The following RYR2 variants were observed in gnomAD, a reference collection of about 807,000 sequenced individuals.
RYR2 encodes the protein ryanodine receptor 2.
RYR2 carries 227 observed loss-of-function variants against 601.1 expected under a neutral mutation model. That is an observed-to-expected ratio of 0.38 (90% CI 0.34 to 0.42). The LOEUF (loss-of-function observed/expected upper bound fraction) is 0.42. Among genes scored for constraint, RYR2 ranks in the 10% least tolerant of loss-of-function variants. The pLI, the probability that RYR2 is intolerant of heterozygous loss-of-function variation, is 1.00. For missense variants in RYR2, 4,646 were observed against 6,156.5 expected (o/e 0.75, Z 8.21); for synonymous variants, 2,223 against 2,175.1 (o/e 1.02, Z -0.61).
rs1678598100 is a variant in RYR2, at chr1:237,617,435, T to C, written c.5865T>C (p.Ala1955=). ...NEVMQALNMS[A]ALTARKTKEF... ...TCATGCAAGCCTTAAACATGTCAGCTGCACTCACAGCCAGGAAGACAAAGG... is the reference window on the plus strand; with the variant it reads ...TCATGCAAGCCTTAAACATGTCAGCCGCACTCACAGCCAGGAAGACAAAGG... Residue 1955 remains alanine (A), a synonymous_variant, in exon 38 of 105, where the codon GCT becomes GCC. Transcript: ENST00000366574. The C allele has an allele frequency of 6.2e-7, 1 of 1,613,864 alleles. No individual in the cohort carries two copies. Among genetic ancestry groups the C allele is most frequent in the African/African-American group, 1.3e-5 (1 of 74,938 alleles).
At chr1:237,237,246 AAGTAGTATCCTTTGTT>A (rs1188839053) in intron 1 of RYR2, among the ~76,000 whole-genome samples, 2 of 152,182 alleles carry the variant, frequency 1.3e-5, no homozygotes, top group East Asian at 1.9e-4. Flanking sequence ...AGACTAATAC[AAGTAGTATCCTTTGTT>A]AGTAGTATCC....
chr1:237,302,942 CTG>C (rs1693506666), intron 2 of RYR2, among the ~76,000 whole-genome samples: 1 of 152,132 alleles, frequency 6.6e-6, no homozygotes, highest in South Asian at 2.1e-4. Flanking sequence ...ATCTTCTGAG[CTG>C]TGTTTCTACG....
chr1:237,428,539 T>C (rs4590661), intron 12 of RYR2, among the ~76,000 whole-genome samples: 95,109 of 151,114 alleles, frequency 0.63, 30,559 homozygotes, highest in African/African-American at 0.76. Flanking sequence ...TAAGTGGGAG[T>C]TGAACAGTGA....
chr1:237,796,923 T>C (rs1283964392), intron 96 of RYR2, among the ~76,000 whole-genome samples: 2 of 152,074 alleles, frequency 1.3e-5, no homozygotes, highest in African/African-American at 4.8e-5. Context: ...TAGCTGGGAT[T>C]ACAGGTGTCT....
intron 98 of RYR2, among the ~76,000 whole-genome samples, chr1:237,803,740 C>G (rs1321950913): frequency 6.6e-6 from 1 of 152,154 alleles, no homozygotes; most frequent in South Asian, 2.1e-4. Flanking sequence ...GTTCTTCTTA[C>G]TACCTAAGCT....
intron 1 of RYR2, among the ~76,000 whole-genome samples, chr1:237,131,893 A>T (rs1024873818): frequency 1.8e-4 from 28 of 151,836 alleles, no homozygotes; most frequent in Admixed American, 3.9e-4. Flanking sequence ...GCTGATTTTT[A>T]AAAAAATGTG....
intron 1 of RYR2, among the ~76,000 whole-genome samples, chr1:237,191,861 TG>T (rs1680000867): frequency 6.6e-6 from 1 of 152,192 alleles, no homozygotes; most frequent in Admixed American, 6.5e-5. Flanking sequence ...TCTCTGTTTT[TG>T]TTGCTGTTGT....
intron 62 of RYR2, among the ~76,000 whole-genome samples, chr1:237,686,146 T>A (rs2148962852): frequency 6.6e-6 from 1 of 152,302 alleles, no homozygotes; most frequent in South Asian, 2.1e-4. Flanking sequence ...TCACAGCTGT[T>A]AATGCAGAGT....
intron 3 of RYR2, among the ~76,000 whole-genome samples, chr1:237,336,445 T>G (rs1237979981): frequency 6.6e-6 from 1 of 152,266 alleles, no homozygotes; most frequent in African/African-American, 2.4e-5. Context: ...TTCTAAATTA[T>G]GTACTGTCTT....
chr1:237,793,281 C>G (rs1479562729), intron 94 of RYR2, among the ~76,000 whole-genome samples: 1 of 152,178 alleles, frequency 6.6e-6, no homozygotes, highest in East Asian at 1.9e-4. Flanking sequence ...CAGTGTCTAT[C>G]TGCTATCTGT....
In RYR2 at chr1:237,500,758, A is replaced by G. The variant is rs878854154; in HGVS notation, c.2251A>G (p.Thr751Ala). Residue 751 changes from threonine to alanine, a missense_variant, in exon 21 of 105, where the codon ACT becomes GCT. Around this residue, in one of 17 missense-constraint regions of RYR2, gnomAD observed 1,807 missense variants for 2,088.1 expected, o/e 0.87. Transcript: ENST00000366574. The part of the protein sequence containing the change: ...VSSPNQHLLR[T>A]DDVISCCLDL... The stretch of plus-strand genomic sequence containing the variant: ...CTCACCAAACCAACATCTGTTAAGA[A>G]CTGATGATGTCATCAGTTGCTGTTT... 3.7e-6 allele frequency: 6 copies of G among 1,613,828 alleles called. No homozygotes were observed. Among genetic ancestry groups the G allele is most frequent in the Non-Finnish European group, 4.2e-6 (5 of 1,179,854 alleles).
rs773288086 is a variant in RYR2 at position 237,708,923 on chromosome 1, A to G, written c.9967A>G (p.Met3323Val). The change falls in exon 69 of 105, where the codon ATG becomes GTG. Residue 3323 changes from methionine (M) to valine (V), a missense_variant. By Grantham distance (21) the Met-to-Val change is conservative. Around this residue, in one of 17 missense-constraint regions of RYR2, gnomAD observed 1,497 missense variants for 1,842.6 expected, o/e 0.81. Transcript: ENST00000366574. ...QLLKTHFLPL[M>V]EKLKKKAATV... Reference sequence around the variant, plus strand: ...CTTGAAAACTCATTTCTTGCCGTTAATGGAGAAACTCAAGAAAAAGGCAGC... The same window carrying G: ...CTTGAAAACTCATTTCTTGCCGTTAGTGGAGAAACTCAAGAAAAAGGCAGC... 6.2e-7 allele frequency: 1 copy of G among 1,612,762 alleles called. No homozygotes were observed. Among genetic ancestry groups the G allele is most frequent in the South Asian group, 1.1e-5 (1 of 90,996 alleles).
chr1:237,687,363 CTTCTTTTT>C (rs1429236553), intron 62 of RYR2, 84 bp from the exon 63 acceptor site: 532 of 452,720 alleles, frequency 1.2e-3, no homozygotes, highest in Non-Finnish European at 1.4e-3. Flanking sequence ...CTTTTTTCTT[CTTCTTTTT>C]TTTTTTTTTT....
chr1:237,163,747 T>C (rs1204736742), intron 1 of RYR2, among the ~76,000 whole-genome samples: 10 of 152,212 alleles, frequency 6.6e-5, no homozygotes, highest in Non-Finnish European at 7.3e-5. Flanking sequence ...GTGTTAGTTT[T>C]ACCAGAAAGA....
chr1:237,788,221 C>T (rs1456830539), intron 92 of RYR2, 86 bp downstream of exon 92: 2 of 1,087,828 alleles, frequency 1.8e-6, no homozygotes, highest in Non-Finnish European at 2.6e-6. Flanking sequence ...TGACCTCTCC[C>T]TGAGTGGCAG....
intron 23 of RYR2, among the ~76,000 whole-genome samples, chr1:237,510,745 G>A (rs1049100831): frequency 4.1e-4 from 63 of 152,220 alleles, no homozygotes; most frequent in African/African-American, 1.3e-3. Flanking sequence ...CTGCCACGGC[G>A]TTAATGCCGA....
chr1:237,150,378 G>C (rs866171943), intron 1 of RYR2, among the ~76,000 whole-genome samples: 40 of 152,282 alleles, frequency 2.6e-4, no homozygotes, highest in African/African-American at 9.6e-4. Flanking sequence ...TATCATTGAT[G>C]GGATGAATTC....
chr1:237,236,221 G>A (rs1025253869), intron 1 of RYR2, among the ~76,000 whole-genome samples: 19 of 152,196 alleles, frequency 1.2e-4, no homozygotes, highest in African/African-American at 4.6e-4. Flanking sequence ...ACACTTGCTA[G>A]TTCCTGCATT....
intron 2 of RYR2, among the ~76,000 whole-genome samples, chr1:237,327,384 C>G (rs903194957): frequency 5.9e-5 from 9 of 152,160 alleles, no homozygotes; most frequent in Non-Finnish European, 1.0e-4. Context: ...ATTCATTTGA[C>G]AGGATTAATT....
Sources: allele counts gnomAD v4.1 joint callset (sites outside exome capture counted in the v4.1 genomes callset), GRCh38; gene constraint gnomAD v4.1.1; regional missense constraint gnomAD v4.1.1; transcripts MANE v1.5; gene names NCBI Gene and HGNC (gene_info 2026-07-23, HGNC 2026-07-21).